The following P4HA2 variants were observed in gnomAD, a reference collection of about 807,000 sequenced individuals.
P4HA2 encodes the protein prolyl 4-hydroxylase subunit alpha-2.
In P4HA2, 46 loss-of-function variants were observed where a neutral mutation model predicts 76.9. The ratio of observed to expected loss-of-function variants is 0.60; its 90% confidence interval spans 0.47 to 0.76. The LOEUF is 0.76. Ranked by LOEUF, P4HA2 falls within the 30% of genes least tolerant of loss-of-function variation. The pLI, the probability that P4HA2 is intolerant of heterozygous loss-of-function variation, is 0.00. For synonymous variants in P4HA2, 243 were observed against 254.0 expected (o/e 0.96, Z 0.41); for missense variants, 583 against 669.4 (o/e 0.87, Z 1.42).
In P4HA2 at chr5:132,198,235, C is replaced by T; in HGVS notation, c.1365+86G>A. 1.9e-6 allele frequency: 3 copies of T among 1,614,186 alleles called. No homozygotes were observed. The highest frequency in any genetic ancestry group is 2.5e-6 in the Non-Finnish European group (3 of 1,180,040). ...TTTAAGAAAGTAGCCACACGATTCC[C>T]CGTCCCTAAATGCTTGAAAGTATCT... is the stretch of plus-strand genomic sequence containing the variant. On this transcript the variant is annotated intron_variant, in intron 12 of 14. Transcript: ENST00000360568.
chr5:132,225,664 C>T (rs1250995039), intron 1 of P4HA2, among the ~76,000 whole-genome samples: 1 of 152,230 alleles, frequency 6.6e-6, no homozygotes, highest in Non-Finnish European at 1.5e-5. Flanking sequence ...ATTCTAGCCC[C>T]AGGCACGCTC....
chr5:132,224,069 C>T (rs779135346), intron 1 of P4HA2, among the ~76,000 whole-genome samples: 9 of 152,162 alleles, frequency 5.9e-5, no homozygotes, highest in East Asian at 3.8e-4. Flanking sequence ...GAGGGAGGAA[C>T]GCAACATGGA....
At chr5:132,221,882 T>C (rs1192410033) in intron 1 of P4HA2, among the ~76,000 whole-genome samples, 1 of 152,204 alleles carries the variant, frequency 6.6e-6, no homozygotes, top group East Asian at 1.9e-4. Flanking sequence ...GATTCACCCA[T>C]CAGGCGACTG....
chr5:132,222,457 G>C (rs2126635559), intron 1 of P4HA2, among the ~76,000 whole-genome samples: 1 of 152,222 alleles, frequency 6.6e-6, no homozygotes, highest in East Asian at 1.9e-4. Context: ...CAGGCATCCT[G>C]GCCCCCACTA....
intron 7 of P4HA2, among the ~76,000 whole-genome samples, 199 bp downstream of exon 7, chr5:132,208,939 T>A (rs755648703): frequency 6.6e-6 from 1 of 151,870 alleles, no homozygotes; most frequent in African/African-American, 2.4e-5. Flanking sequence ...ACACTCTACC[T>A]GGGGCACGAG....
chr5:132,205,041 T>TA (rs1249271480), intron 8 of P4HA2, among the ~76,000 whole-genome samples: 1 of 152,246 alleles, frequency 6.6e-6, no homozygotes, highest in Non-Finnish European at 1.5e-5. Context: ...TTTCAATAAA[T>TA]ATTGATGAGT....
intron 6 of P4HA2, 76 bp downstream of exon 6, chr5:132,210,201 AGAGGGGT>A (rs1561482930): frequency 3.0e-4 from 451 of 1,493,946 alleles, no homozygotes; most frequent in Non-Finnish European, 4.1e-4. Context: ...CAGTCCCAGG[AGAGGGGT>A]CAGGCAGATG....
chr5:132,208,902 C>T (rs926041434), intron 7 of P4HA2, among the ~76,000 whole-genome samples: 3 of 151,938 alleles, frequency 2.0e-5, no homozygotes, highest in Non-Finnish European at 2.9e-5. Flanking sequence ...GGTAAGGAGG[C>T]GAGCTCACTG....
In P4HA2 at chr5:132,191,756, C is replaced by G. The variant is rs1749942125; in HGVS notation, c.*1254G>C. Reference sequence around the variant, plus strand: ...ACATTTCCACTCCTAGATATATATCCTACAGAAATATGTGTTTATATGTGC... The same window carrying G: ...ACATTTCCACTCCTAGATATATATCGTACAGAAATATGTGTTTATATGTGC... On this transcript the variant is annotated 3_prime_UTR_variant, in exon 15 of 15. Transcript: ENST00000360568. 2 of 151,844 alleles carry G rather than the reference C, an allele frequency of 1.3e-5. No individual in the cohort carries two copies. Among genetic ancestry groups the G allele is most frequent in the African/African-American group, 2.4e-5 (1 of 41,188 alleles). The allele number at this position is 151,844 out of a possible 1,614,324, so 9.4% of individuals were successfully genotyped here.
At position 132,207,849 on chromosome 5, in the gene P4HA2, G is replaced by C; in HGVS notation, c.939C>G (p.Tyr313Ter). The change falls in exon 8 of 15, where the codon TAC becomes TAG. Residue 313 changes from tyrosine to a stop codon, truncating the protein, a stop_gained. Coordinates refer to ENST00000360568, the MANE Select transcript of P4HA2 (RefSeq NM_001017974.2). LOFTEE classifies it high-confidence loss of function. ...GCTGTGGGGCCCTGTTGCCATGGTG[G>C]TACCTACAGAAAAGCCTCTTCTGTC... ...PRRQKRLFCR[Y>*]HHGNRAPQLL... 1 of 1,599,966 alleles carries C rather than the reference G, an allele frequency of 6.3e-7. No individual in the cohort carries two copies. The highest frequency in any genetic ancestry group is 1.3e-5 in the African/African-American group (1 of 74,608).
In P4HA2 at chr5:132,213,865, G is replaced by C. The variant is rs768277738; in HGVS notation, c.469+51C>G. ...GTTGGTGGTGGCTCCAACCTGTCCCGCCACTAAAGAGACACATGCGGGACA... is the reference window on the plus strand; with the variant it reads ...GTTGGTGGTGGCTCCAACCTGTCCCCCCACTAAAGAGACACATGCGGGACA... On this transcript the variant is annotated intron_variant, in intron 5 of 14. Coordinates refer to ENST00000360568, the MANE Select transcript of P4HA2 (RefSeq NM_001017974.2). 5 of 1,590,644 alleles carry C rather than the reference G, an allele frequency of 3.1e-6. No individual in the cohort carries two copies. The Admixed American group carries it at 8.5e-5, about 27-fold the overall frequency.
intron 9 of P4HA2, 91 bp downstream of exon 9, chr5:132,203,991 A>T: frequency 1.6e-6 from 2 of 1,219,322 alleles, no homozygotes; most frequent in Non-Finnish European, 1.2e-6. Context: ...GCCAGCAGGC[A>T]GGAAAAGGCA....
intron 14 of P4HA2, among the ~76,000 whole-genome samples, chr5:132,194,571 A>T (rs1750330990): frequency 6.6e-6 from 1 of 151,730 alleles, no homozygotes; most frequent in Admixed American, 6.6e-5. Context: ...GCCTCCATCC[A>T]TATGGGCCTT....
chr5:132,201,562 C>T (rs1234763674), intron 10 of P4HA2: 1 of 152,216 alleles, frequency 6.6e-6, no homozygotes, highest in Non-Finnish European at 1.5e-5. Flanking sequence ...TTCAATACCA[C>T]TGACTGGCAA....
chr5:132,195,539 C>A, intron 12 of P4HA2, 59 bp from the exon 13 acceptor site: 1 of 1,273,078 alleles, frequency 7.9e-7, no homozygotes, highest in Non-Finnish European at 1.1e-6. Flanking sequence ...AGCAATTGAG[C>A]CACAAAGGAC....
rs1407655088 is a variant in P4HA2 at position 132,206,919 on chromosome 5, C to T, written c.1080+789G>A. Reference sequence around the variant, plus strand: ...CAAAAAAGAAATAAGTAAATTCAACCACTAGCTGCAATCTGTATGAGTTTG... The same window carrying T: ...CAAAAAAGAAATAAGTAAATTCAACTACTAGCTGCAATCTGTATGAGTTTG... On this transcript the variant is annotated intron_variant, in intron 8 of 14. Coordinates refer to ENST00000360568, the MANE Select transcript of P4HA2 (RefSeq NM_001017974.2). Among the ~76,000 whole-genome samples, 3 of 152,218 alleles carry T rather than the reference C, an allele frequency of 2.0e-5. No individual in the cohort carries two copies. In the East Asian group the frequency reaches 5.8e-4, roughly 29 times the overall value.
Position 132,198,391 on chromosome 5 carries a change from C to T in P4HA2, c.1306-11G>A, listed in dbSNP as rs761641449. The T allele has an allele frequency of 1.9e-6, 3 of 1,612,248 alleles. No individual in the cohort carries two copies. The highest frequency in any genetic ancestry group is 2.5e-6 in the Non-Finnish European group (3 of 1,179,732). ...GCTGTCAAAAGGTCGCTGCAACAGACAACAACTTTCACCCAAGTTTACAAC... is the reference window on the plus strand; with the variant it reads ...GCTGTCAAAAGGTCGCTGCAACAGATAACAACTTTCACCCAAGTTTACAAC... On this transcript the variant is annotated splice_polypyrimidine_tract_variant and intron_variant, in intron 11 of 14. Transcript: ENST00000360568.
intron 4 of P4HA2, 109 bp from the exon 5 acceptor site, chr5:132,214,162 C>T (rs575188778): frequency 4.6e-6 from 5 of 1,081,106 alleles, no homozygotes; most frequent in South Asian, 3.1e-5. Flanking sequence ...GAAATTTCCC[C>T]GCCCCCTCCC....
intron 1 of P4HA2, among the ~76,000 whole-genome samples, chr5:132,223,784 A>G (rs1754961829): frequency 6.6e-6 from 1 of 152,228 alleles, no homozygotes; most frequent in Admixed American, 6.5e-5. Context: ...TACAAATGAC[A>G]AACAGCTGAG....
Sources: gnomAD v4.1 joint callset for allele counts (sites outside exome capture counted in the v4.1 genomes callset) on GRCh38, gnomAD v4.1.1 for gene constraint, MANE v1.5 for transcripts, NCBI Gene and HGNC (gene_info 2026-07-23, HGNC 2026-07-21) for gene names.